MARCHF7: variants seen among roughly 807,000 people sequenced by gnomAD.
MARCHF7 encodes the protein E3 ubiquitin-protein ligase MARCHF7.
MARCHF7 carries 20 observed loss-of-function variants against 76.5 expected under a neutral mutation model. The observed-to-expected ratio is 0.26, with a 90% CI of 0.18 to 0.38. The LOEUF is 0.38. MARCHF7 is among the 10% of genes least tolerant of loss of function. The probability of loss-of-function intolerance (pLI) is 1.00; values close to 1 mark genes in which losing one functional copy is unlikely to be tolerated. For missense variants in MARCHF7, 797 were observed against 812.9 expected (o/e 0.98, Z 0.24); for synonymous variants, 295 against 293.0 (o/e 1.01, Z -0.07).
At position 159,762,971 on chromosome 2, in the gene MARCHF7, A is replaced by G. The variant is rs1441033716; in HGVS notation, c.1985A>G (p.Asn662Ser). The G allele has an allele frequency of 1.9e-6, 3 of 1,612,506 alleles. No individual in the cohort carries two copies. Among genetic ancestry groups the G allele is most frequent in the Non-Finnish European group, 2.5e-6 (3 of 1,179,368 alleles). Residue 662 changes from asparagine (N) to serine (S), a missense_variant, in exon 10 of 12, where the codon AAT becomes AGT. Transcript: ENST00000409175. ...QSFSDMMGNT[N>S]EPSTRVRFIN... is the part of the protein sequence containing the mutation. ...TTTTCTGATATGATGGGAAATACAAATGAACCAAGCACACGTGTCCGAGTA... is the reference window on the plus strand; with the variant it reads ...TTTTCTGATATGATGGGAAATACAAGTGAACCAAGCACACGTGTCCGAGTA...
chr2:159,729,209 C>G (rs1702496540), intron 4 of MARCHF7, 34 bp downstream of exon 4: 1 of 1,495,216 alleles, frequency 6.7e-7, no homozygotes, highest in Admixed American at 2.2e-5. Context: ...TGTATACAGC[C>G]TTTTTCAAAA....
At chr2:159,715,008 A>G (rs973739426) in intron 2 of MARCHF7, among the ~76,000 whole-genome samples, 42 of 152,356 alleles carry the variant, frequency 2.8e-4, no homozygotes, top group Middle Eastern at 3.4e-3. Context: ...TTTTTAGATA[A>G]TCTTTGCTGA....
chr2:159,748,987 T>TTTTC, intron 7 of MARCHF7, 84 bp downstream of exon 7: 1 of 1,232,332 alleles, frequency 8.1e-7, no homozygotes, highest in Non-Finnish European at 1.1e-6. Context: ...TCTTTTTTTT[T>TTTTC]TTTTTTTTTG....
At chr2:159,760,847 G>T (rs1706967836) in intron 9 of MARCHF7, among the ~76,000 whole-genome samples, 1 of 151,766 alleles carries the variant, frequency 6.6e-6, no homozygotes, top group Non-Finnish European at 1.5e-5. Context: ...GAAATATTAG[G>T]TGGAGTCATT....
chr2:159,760,729 T>TTTTTTTTTTTTTTTTTTTTTTTTC (rs1706945074), intron 9 of MARCHF7, among the ~76,000 whole-genome samples: 1 of 152,016 alleles, frequency 6.6e-6, no homozygotes, highest in African/African-American at 2.4e-5. Flanking sequence ...TTGTTTTTGT[T>TTTTTTTTTTTTTTTTTTTTTTTTC]TTTGTTTTTT....
At chr2:159,727,425 A>C (rs1173049524) in intron 3 of MARCHF7, among the ~76,000 whole-genome samples, 2 of 152,056 alleles carry the variant, frequency 1.3e-5, no homozygotes, top group African/African-American at 4.8e-5. Context: ...GTCTCTACTA[A>C]AAATACAAAA....
intron 7 of MARCHF7, 88 bp from the exon 8 acceptor site, chr2:159,752,314 C>CA (rs980648243): frequency 2.4e-6 from 3 of 1,273,540 alleles, no homozygotes; most frequent in Admixed American, 3.2e-5. Flanking sequence ...GTAGAAATAA[C>CA]AAAAAAGAAA....
At chr2:159,733,592 C>A in intron 4 of MARCHF7, 1 of 982,918 alleles carries the variant, frequency 1.0e-6, no homozygotes, top group South Asian at 4.7e-5. Flanking sequence ...TAACTCACAA[C>A]TCTTGGAGAC....
chr2:159,766,994 T>G (rs754486457), intron 11 of MARCHF7, among the ~76,000 whole-genome samples: 2 of 151,900 alleles, frequency 1.3e-5, no homozygotes, highest in Non-Finnish European at 2.9e-5. Flanking sequence ...CACAGATTGA[T>G]CTCAGAAACA....
intron 11 of MARCHF7, among the ~76,000 whole-genome samples, chr2:159,766,800 G>T (rs1707821741): frequency 6.6e-6 from 1 of 152,112 alleles, no homozygotes; most frequent in Non-Finnish European, 1.5e-5. Context: ...GCATTGTATA[G>T]ACATAGCTTT....
chr2:159,750,499 A>G (rs892633801), intron 7 of MARCHF7, among the ~76,000 whole-genome samples: 2 of 152,144 alleles, frequency 1.3e-5, no homozygotes, highest in African/African-American at 2.4e-5. Flanking sequence ...CACTCCAACC[A>G]GGCGACAGAG....
chr2:159,732,635 C>G (rs1702954771), intron 4 of MARCHF7, among the ~76,000 whole-genome samples: 1 of 152,174 alleles, frequency 6.6e-6, no homozygotes, highest in Non-Finnish European at 1.5e-5. Context: ...GCCTCAGCCT[C>G]CTGAGTAGCT....
At chr2:159,737,264 T>C (rs2098976) in intron 4 of MARCHF7, among the ~76,000 whole-genome samples, 52,469 of 152,060 alleles carry the variant, frequency 0.35, 9,252 homozygotes, top group South Asian at 0.44. Flanking sequence ...ATTTGCAAAG[T>C]ATATATCTTA....
At chr2:159,720,095 G>A (rs994742792) in intron 3 of MARCHF7, among the ~76,000 whole-genome samples, 3 of 151,998 alleles carry the variant, frequency 2.0e-5, no homozygotes, top group East Asian at 1.9e-4. Flanking sequence ...GTGCCATCTC[G>A]GCTCACTGCA....
intron 1 of MARCHF7, 72 bp downstream of exon 1, chr2:159,712,678 C>G (rs1465916638): frequency 6.6e-6 from 1 of 152,312 alleles, no homozygotes; most frequent in African/African-American, 2.4e-5. Context: ...AGCTGCGGAG[C>G]TAGTTCTTCT....
intron 4 of MARCHF7, among the ~76,000 whole-genome samples, chr2:159,736,508 A>G (rs1377834312): frequency 6.6e-6 from 1 of 152,200 alleles, no homozygotes; most frequent in Admixed American, 6.5e-5. Flanking sequence ...TATATTCTAG[A>G]TACAAGCTCC....
At chr2:159,765,945 G>A (rs922909866) in intron 11 of MARCHF7, among the ~76,000 whole-genome samples, 1 of 151,958 alleles carries the variant, frequency 6.6e-6, no homozygotes, top group Non-Finnish European at 1.5e-5. Flanking sequence ...TTTGTCCAAC[G>A]TCATGATAGT....
chr2:159,730,811 CTG>C (rs1189645279), intron 4 of MARCHF7, among the ~76,000 whole-genome samples: 4 of 152,188 alleles, frequency 2.6e-5, no homozygotes, highest in South Asian at 2.1e-4. Context: ...TGAAACCAGA[CTG>C]TACTGCCTAG....
chr2:159,748,188 A>C lies in MARCHF7; in HGVS notation c.898A>C (p.Ser300Arg). 6.2e-7 allele frequency: 1 copy of C among 1,613,694 alleles called. No homozygotes were observed. The highest frequency in any genetic ancestry group is 1.1e-5 in the South Asian group (1 of 90,930). Residue 300 changes from serine to arginine, a missense_variant, in exon 7 of 12, where the codon AGT (serine) becomes CGT (arginine). This residue lies in a region of MARCHF7 where 643 missense variants were observed against 631.5 expected (regional missense o/e 1.02). Transcript: ENST00000409175. ...MSSTFFSRRS[S>R]QDSLNTRSLN... Reference sequence around the variant, plus strand: ...ATCTACTTTTTTTTCACGAAGATCTAGTCAGGATTCCTTGAATACAAGATC... The same window carrying C: ...ATCTACTTTTTTTTCACGAAGATCTCGTCAGGATTCCTTGAATACAAGATC...
Sources: allele counts gnomAD v4.1 joint callset (sites outside exome capture counted in the v4.1 genomes callset), GRCh38; gene constraint gnomAD v4.1.1; regional missense constraint gnomAD v4.1.1; transcripts MANE v1.5; gene names NCBI Gene and HGNC (gene_info 2026-07-23, HGNC 2026-07-21).